The following ENTHD1 variants were observed in gnomAD, a reference collection of about 807,000 sequenced individuals.
The protein encoded by ENTHD1 is ENTH domain containing 1.
A neutral mutation model predicts 39.1 loss-of-function variants in ENTHD1; 23 were observed. That is an observed-to-expected ratio of 0.59 (90% CI 0.42 to 0.83). The LOEUF (loss-of-function observed/expected upper bound fraction) is 0.83, where lower values mean the gene tolerates loss of function less well. Among genes scored for constraint, ENTHD1 ranks in the 40% least tolerant of loss-of-function variants. The pLI is 0.00. For missense variants in ENTHD1, 624 were observed against 705.4 expected, an observed-to-expected ratio of 0.88 and a Z score of 1.31; for synonymous variants, 230 against 258.2, an observed-to-expected ratio of 0.89 and a Z score of 1.05.
intron 5 of ENTHD1, among the ~76,000 whole-genome samples, chr22:39,819,762 A>C (rs1329779758): frequency 6.6e-6 from 1 of 152,210 alleles, no homozygotes; most frequent in African/African-American, 2.4e-5. Flanking sequence ...TGGCAATGGA[A>C]GTTCATTGAT....
chr22:39,746,346 T>C (rs1390840838), intron 6 of ENTHD1, among the ~76,000 whole-genome samples: 1 of 152,146 alleles, frequency 6.6e-6, no homozygotes, highest in African/African-American at 2.4e-5. Flanking sequence ...CTTTTTGTAA[T>C]GTCTTGTTCT....
At chr22:39,774,852 T>C (rs2065354582) in intron 5 of ENTHD1, among the ~76,000 whole-genome samples, 1 of 152,208 alleles carries the variant, frequency 6.6e-6, no homozygotes, top group African/African-American at 2.4e-5. Context: ...CGTCTCTTTA[T>C]ATCGAACTGA....
At chr22:39,765,939 C>T (rs911783640) in intron 5 of ENTHD1, among the ~76,000 whole-genome samples, 1 of 144,636 alleles carries the variant, frequency 6.9e-6, no homozygotes, top group African/African-American at 2.6e-5. Context: ...TAGTACTTTC[C>T]AACTTTCATC....
chr22:39,811,844 T>A (rs1446095710), intron 5 of ENTHD1, among the ~76,000 whole-genome samples: 1 of 151,472 alleles, frequency 6.6e-6, no homozygotes, highest in Non-Finnish European at 1.5e-5. Context: ...CCGGGTGTGG[T>A]GGTGGGCGCC....
chr22:39,845,314 T>A (rs1449280153), intron 3 of ENTHD1, among the ~76,000 whole-genome samples: 1 of 152,146 alleles, frequency 6.6e-6, no homozygotes, highest in Non-Finnish European at 1.5e-5. Flanking sequence ...CAGTCCAAGG[T>A]CATACAACCA....
chr22:39,787,567 T>G (rs2065469563), intron 5 of ENTHD1, among the ~76,000 whole-genome samples: 1 of 152,156 alleles, frequency 6.6e-6, no homozygotes, highest in Admixed American at 6.5e-5. Flanking sequence ...GAAACAGCCT[T>G]ATTGTTGATA....
chr22:39,876,183 A>G, intron 2 of ENTHD1: 1 of 1,465,466 alleles, frequency 6.8e-7, no homozygotes, highest in Non-Finnish European at 9.1e-7. Context: ...TTTGAGAGGA[A>G]GCCTTCTGTA....
chr22:39,792,509 C>CTTAT (rs200250091), intron 5 of ENTHD1, among the ~76,000 whole-genome samples: 4,924 of 151,974 alleles, frequency 0.032, 125 homozygotes, highest in Admixed American at 0.073. Context: ...TATCTTAAGC[C>CTTAT]TTATGATCAA....
Position 39,743,881 on chromosome 22 carries a change from T to A in ENTHD1, c.1622A>T (p.Glu541Val). The part of the protein sequence containing the change: ...GFQSTKDFPQ[E>V]PEAKNSISVL... ...ACTAATGGAATTCTTTGCTTCAGGT[T>A]CCTGGGGGAAGTCTTTGGTTGACTG... Residue 541 changes from glutamate to valine, a missense_variant, in exon 7 of 7, where the codon GAA (glutamate) becomes GTA (valine). Glu to Val is a moderately radical substitution (Grantham distance 121). Coordinates refer to ENST00000325157, the MANE Select transcript of ENTHD1 (RefSeq NM_152512.4). The A allele has an allele frequency of 6.2e-7, 1 of 1,614,170 alleles. No homozygotes were observed. The highest frequency in any genetic ancestry group is 8.5e-7 in the Non-Finnish European group (1 of 1,180,010).
In ENTHD1 at chr22:39,822,108, C is replaced by A. The variant is rs182913144; in HGVS notation, c.712-995G>T. On this transcript the variant is annotated intron_variant, in intron 4 of 6. Coordinates refer to ENST00000325157, the MANE Select transcript of ENTHD1 (RefSeq NM_152512.4). Reference sequence around the variant, plus strand: ...CATAAACTGTTCATATTTCCAACTTCTCCTAAATGTCATAAACAGGTTTTT... The same window carrying A: ...CATAAACTGTTCATATTTCCAACTTATCCTAAATGTCATAAACAGGTTTTT... 5.4e-4 allele frequency among the ~76,000 whole-genome samples: 82 copies of A among 152,220 alleles called. 1 individual carries two copies. The highest frequency in any genetic ancestry group is 2.0e-3 in the African/African-American group (81 of 41,536).
intron 3 of ENTHD1, among the ~76,000 whole-genome samples, chr22:39,842,651 C>T (rs538081131): frequency 4.9e-4 from 75 of 151,972 alleles, no homozygotes; most frequent in Admixed American, 3.5e-3. Flanking sequence ...GCAAAAGAAA[C>T]GACCATCAGA....
chr22:39,772,072 T>A (rs1358322764), intron 5 of ENTHD1, among the ~76,000 whole-genome samples: 4 of 152,120 alleles, frequency 2.6e-5, no homozygotes, highest in Non-Finnish European at 4.4e-5. Context: ...GTCCCCAAGC[T>A]TTTTGGCACC....
chr22:39,846,690 T>G (rs565808043), intron 3 of ENTHD1, among the ~76,000 whole-genome samples: 1 of 152,022 alleles, frequency 6.6e-6, no homozygotes, highest in African/African-American at 2.4e-5. Context: ...TCAAACAAAT[T>G]TACAAGAAAA....
chr22:39,759,935 C>T (rs985396586), intron 6 of ENTHD1, among the ~76,000 whole-genome samples: 1 of 151,974 alleles, frequency 6.6e-6, no homozygotes, highest in Admixed American at 6.5e-5. Flanking sequence ...AGAGACCATA[C>T]TTTTTTAAGA....
intron 4 of ENTHD1, among the ~76,000 whole-genome samples, chr22:39,834,503 C>G (rs971166843): frequency 2.0e-5 from 3 of 152,062 alleles, no homozygotes; most frequent in Admixed American, 2.0e-4. Context: ...GGTTAGGATG[C>G]AGAGCTACTG....
intron 5 of ENTHD1, among the ~76,000 whole-genome samples, chr22:39,800,741 T>C (rs2065591989): frequency 6.6e-6 from 1 of 152,250 alleles, no homozygotes; most frequent in East Asian, 1.9e-4. Context: ...CAATTTTTGT[T>C]CTGTTTCGCC....
chr22:39,836,082 T>C lies in ENTHD1; in HGVS notation c.593-124A>G, dbSNP rs868198151. ...TTTTTTTCCTGCTAAATATAAACCATCTGCCAGTGGTAACCTATGAGTGTT... is the reference window on the plus strand; with the variant it reads ...TTTTTTTCCTGCTAAATATAAACCACCTGCCAGTGGTAACCTATGAGTGTT... On this transcript the variant is annotated intron_variant, in intron 3 of 6. Coordinates refer to ENST00000325157, the MANE Select transcript of ENTHD1 (RefSeq NM_152512.4). 2.5e-5 allele frequency: 15 copies of C among 593,704 alleles called. 2 individuals are homozygous for C. The South Asian group carries it at 4.3e-4, about 17-fold the overall frequency. 36.8% of individuals were successfully genotyped at this position (593,704 alleles called of 1,614,324 possible). A position where few individuals can be genotyped will look rare whatever the true frequency, so the allele number is the denominator to read the frequency against.
chr22:39,877,785 G>A (rs1170671716), intron 2 of ENTHD1, among the ~76,000 whole-genome samples: 2 of 152,136 alleles, frequency 1.3e-5, no homozygotes, highest in African/African-American at 2.4e-5. Flanking sequence ...AGCCTAACCT[G>A]ATGGGGTCTT....
intron 3 of ENTHD1, among the ~76,000 whole-genome samples, chr22:39,841,074 TA>T (rs1488117110): frequency 2.6e-5 from 4 of 152,172 alleles, no homozygotes; most frequent in African/African-American, 2.4e-5. Flanking sequence ...GTATTTGTCA[TA>T]TTTTTTTTAA....
Sources: allele counts gnomAD v4.1 joint callset (sites outside exome capture counted in the v4.1 genomes callset), GRCh38; gene constraint gnomAD v4.1.1; transcripts MANE v1.5; gene names NCBI Gene and HGNC (gene_info 2026-07-23, HGNC 2026-07-21).